Variants in SLC39A10 observed in about 807,000 individuals in gnomAD.
SLC39A10 encodes solute carrier family 39 member 10, also known as zinc transporter ZIP10.
In SLC39A10, 13 loss-of-function variants were observed where a neutral mutation model predicts 65.1. That is an observed-to-expected ratio of 0.20 (90% confidence interval 0.13 to 0.32). The LOEUF (loss-of-function observed/expected upper bound fraction) is 0.32. SLC39A10 is among the 10% of genes least tolerant of loss of function. The probability of loss-of-function intolerance (pLI) is 1.00; values close to 1 mark genes in which losing one functional copy is unlikely to be tolerated. For synonymous variants in SLC39A10, 321 were observed against 342.2 expected, an observed-to-expected ratio of 0.94 and a Z score of 0.68; for missense variants, 831 against 1,018.4, an observed-to-expected ratio of 0.82 and a Z score of 2.50.
chr2:195,728,364 AT>A lies in SLC39A10; in HGVS notation c.2337+22del. On this transcript the variant is annotated intron_variant, in intron 9 of 9. Transcript: ENST00000359634. The surrounding 1 kb of genome is among the most constrained non-coding windows in gnomAD (Gnocchi z 4.4). Reference sequence around the variant, plus strand: ...TGGTGGATATGGTAAGATATTTTATATTTTTTTGTGGTACTAAACCTGCAAA... The same window carrying A: ...TGGTGGATATGGTAAGATATTTTATATTTTTTGTGGTACTAAACCTGCAAA... The A allele has an allele frequency of 3.1e-6, 5 of 1,602,418 alleles. No homozygotes were observed. Among genetic ancestry groups the A allele is most frequent in the South Asian group, 1.1e-5 (1 of 89,500 alleles).
chr2:195,680,379 G>T lies in SLC39A10; in HGVS notation c.337G>T (p.Asp113Tyr). 1 of 1,614,090 alleles carries T rather than the reference G, an allele frequency of 6.2e-7. No homozygotes were observed. Among genetic ancestry groups the T allele is most frequent in the African/African-American group, 1.3e-5 (1 of 74,996 alleles). Reference protein sequence around the residue: ...DLGHDHVSHLDILAVQEGKHF... With the variant: ...DLGHDHVSHLYILAVQEGKHF... ...TGGCCACGATCATGTTTCTCATTTA[G>T]ATATTTTGGCAGTTCAAGAGGGAAA... Residue 113 changes from aspartate to tyrosine, a missense_variant, in exon 2 of 10, where the codon GAT (aspartate) becomes TAT (tyrosine). Physicochemically the swap from Asp to Tyr is radical, Grantham distance 160 (BLOSUM62 -3). Around this residue, in one of 4 missense-constraint regions of SLC39A10, gnomAD observed 446 missense variants for 499.2 expected, o/e 0.89. Coordinates refer to ENST00000359634, the MANE Select transcript of SLC39A10 (RefSeq NM_020342.3).
At chr2:195,733,990 T>C (rs1692506637) in intron 9 of SLC39A10, among the ~76,000 whole-genome samples, 1 of 152,084 alleles carries the variant, frequency 6.6e-6, no homozygotes, top group Admixed American at 6.5e-5. Flanking sequence ...GTGTCTGTTA[T>C]TGGAATGAAA....
At chr2:195,663,946 C>T (rs1404910832) in intron 1 of SLC39A10, among the ~76,000 whole-genome samples, 1 of 151,570 alleles carries the variant, frequency 6.6e-6, no homozygotes, top group Non-Finnish European at 1.5e-5. Flanking sequence ...TCAGCCCTTT[C>T]CCTCCTCCTT....
At chr2:195,636,654 G>A (rs1321239399) in intron 2 of SLC39A10, among the ~76,000 whole-genome samples, 1 of 152,208 alleles carries the variant, frequency 6.6e-6, no homozygotes. Flanking sequence ...TCAGGAGGCT[G>A]AGGCAGGAGA....
In SLC39A10 at chr2:195,657,517, G is replaced by C. The variant is rs1574228015; in HGVS notation, c.-12+236G>C. On this transcript the variant is annotated intron_variant, in intron 1 of 9. Coordinates refer to ENST00000359634, the MANE Select transcript of SLC39A10 (RefSeq NM_020342.3). ...AGTGTTGGGCGCCGCGGCTCCTCGT[G>C]TGCGGTCTGGGCTGCTGCGGGCCGC... The C allele has an allele frequency of 4.1e-6, 4 of 985,436 alleles. No individual in the cohort carries two copies. In the African/African-American group the frequency reaches 7.0e-5, roughly 17 times the overall value. The allele number at this position is 985,436 out of a possible 1,614,324, so 61.0% of individuals were successfully genotyped here. A position where few individuals can be genotyped will look rare whatever the true frequency, so the allele number is the denominator to read the frequency against.
intron 2 of SLC39A10, among the ~76,000 whole-genome samples, chr2:195,650,842 C>T (rs1356352043): frequency 6.6e-6 from 1 of 151,794 alleles, no homozygotes; most frequent in Non-Finnish European, 1.5e-5. Flanking sequence ...CTTCGTGTGC[C>T]CATCTCAAAA....
intron 2 of SLC39A10, among the ~76,000 whole-genome samples, chr2:195,629,961 C>T (rs1172693831): frequency 6.6e-6 from 1 of 151,858 alleles, no homozygotes; most frequent in Non-Finnish European, 1.5e-5. Flanking sequence ...GTCTCAAAGT[C>T]CTAGGCTCAA....
In SLC39A10 at chr2:195,734,949, A is replaced by G. The variant is rs370719301; in HGVS notation, c.2404A>G (p.Ile802Val). The change falls in exon 10 of 10, where the codon ATC becomes GTC. Residue 802 changes from isoleucine to valine, a missense_variant. Around this residue, in one of 4 missense-constraint regions of SLC39A10, gnomAD observed 120 missense variants for 203.9 expected, o/e 0.59. Coordinates refer to ENST00000359634, the MANE Select transcript of SLC39A10 (RefSeq NM_020342.3). Reference sequence around the variant, plus strand: ...TGGCTTTTGTCCTGTGGGGCAATTCATCCTTCAGAATTTAGGATTGCTCTT... The same window carrying G: ...TGGCTTTTGTCCTGTGGGGCAATTCGTCCTTCAGAATTTAGGATTGCTCTT... ...EHGFCPVGQF[I>V]LQNLGLLFGF... 4.8e-5 allele frequency: 78 copies of G among 1,612,926 alleles called. No homozygotes were observed. The highest frequency in any genetic ancestry group is 5.9e-5 in the Non-Finnish European group (70 of 1,179,612).
At chr2:195,711,360 G>T (rs1285270503) in intron 5 of SLC39A10, among the ~76,000 whole-genome samples, 1 of 152,126 alleles carries the variant, frequency 6.6e-6, no homozygotes, top group Non-Finnish European at 1.5e-5. Context: ...AAAGAAAACT[G>T]ATACAAGAAT....
Position 195,728,661 on chromosome 2 carries a change from T to C in SLC39A10, c.2337+312T>C, listed in dbSNP as rs1692328452. On this transcript the variant is annotated intron_variant, in intron 9 of 9. Transcript: ENST00000359634. The surrounding 1 kb of genome is among the most constrained non-coding windows in gnomAD (Gnocchi z 4.4). ...AAGTGTTTTATTTTTGTTAGCAAAA[T>C]TAATTTTTTGAGTTTGTTTTATGGC... 1.3e-5 allele frequency among the ~76,000 whole-genome samples: 2 copies of C among 152,284 alleles called. No homozygotes were observed. Among genetic ancestry groups the C allele is most frequent in the Admixed American group, 1.3e-4 (2 of 15,296 alleles).
intron 1 of SLC39A10, among the ~76,000 whole-genome samples, chr2:195,675,501 T>G (rs1304189297): frequency 6.6e-6 from 1 of 152,236 alleles, no homozygotes; most frequent in Non-Finnish European, 1.5e-5. Context: ...AGTGGCGTGA[T>G]CTCAGCTCAC....
chr2:195,654,904 A>T (rs1003647853), upstream of SLC39A10, among the ~76,000 whole-genome samples: 1 of 152,038 alleles, frequency 6.6e-6, no homozygotes, highest in African/African-American at 2.4e-5. Context: ...GCAGAGAATC[A>T]TTTATTCTAT....
At chr2:195,634,999 G>T (rs908575242) in intron 2 of SLC39A10, among the ~76,000 whole-genome samples, 2 of 152,166 alleles carry the variant, frequency 1.3e-5, no homozygotes, top group African/African-American at 4.8e-5. Flanking sequence ...AGTGAGCTGA[G>T]ATCGCACCAC....
intron 3 of SLC39A10, among the ~76,000 whole-genome samples, chr2:195,700,813 G>A (rs1224129872): frequency 2.6e-5 from 4 of 152,058 alleles, no homozygotes; most frequent in African/African-American, 9.7e-5. Context: ...TCTTATATGT[G>A]ATGAGTTGCT....
chr2:195,625,465 C>T (rs188476657), intron 2 of SLC39A10, among the ~76,000 whole-genome samples: 502 of 151,638 alleles, frequency 3.3e-3, no homozygotes, highest in South Asian at 0.014. Context: ...TTAGTAGAGA[C>T]GGGGTTTCTC....
upstream of SLC39A10, among the ~76,000 whole-genome samples, chr2:195,653,821 A>T (rs200334522): frequency 1.3e-5 from 2 of 152,222 alleles, no homozygotes; most frequent in East Asian, 3.8e-4. Flanking sequence ...AACAGTTTAA[A>T]CTGGAGATGA....
intron 2 of SLC39A10, among the ~76,000 whole-genome samples, chr2:195,682,078 T>C (rs570675734): frequency 1.9e-4 from 29 of 152,346 alleles, no homozygotes; most frequent in African/African-American, 6.7e-4. Context: ...TTCATACTCT[T>C]GGGTACTTAC....
intron 9 of SLC39A10, 64 bp from the exon 10 acceptor site, chr2:195,734,819 T>G: frequency 6.8e-7 from 1 of 1,467,846 alleles, no homozygotes; most frequent in Non-Finnish European, 9.1e-7. Context: ...TAGGAAAATG[T>G]TTTTAAAAAC....
At position 195,690,191 on chromosome 2, in the gene SLC39A10, AAAAAAAAAG is replaced by A. The variant is rs1180663398; in HGVS notation, c.1216+6289_1216+6297del. ...ACTCTCTGAAAAAAAAAAAAAAAAA[AAAAAAAAAG>A]AAAGAAATTCCTTCCTTTTTAAGGC... On this transcript the variant is annotated intron_variant, in intron 3 of 9. Transcript: ENST00000359634. 3.6e-3 allele frequency among the ~76,000 whole-genome samples: 546 copies of A among 150,984 alleles called. 1 individual carries two copies. Among genetic ancestry groups the A allele is most frequent in the Middle Eastern group, 0.01 (3 of 290 alleles).
Sources: allele counts gnomAD v4.1 joint callset (sites outside exome capture counted in the v4.1 genomes callset), GRCh38; gene constraint gnomAD v4.1.1; regional missense constraint gnomAD v4.1.1; non-coding constraint Gnocchi (gnomAD v3.1); transcripts MANE v1.5; gene names NCBI Gene and HGNC (gene_info 2026-07-23, HGNC 2026-07-21).